Variants in ZNF354A observed in about 807,000 individuals in gnomAD.
ZNF354A encodes epididymis luminal protein 104.
ZNF354A carries 25 observed loss-of-function variants against 53.3 expected under a neutral mutation model. That is an observed-to-expected ratio of 0.47 (90% confidence interval 0.34 to 0.66). ZNF354A has a LOEUF of 0.66. ZNF354A is among the 30% of genes least tolerant of loss of function. ZNF354A has a pLI of 0.01. For synonymous variants in ZNF354A, 228 were observed against 249.0 expected, an observed-to-expected ratio of 0.92 and a Z score of 0.79; for missense variants, 586 against 716.8, an observed-to-expected ratio of 0.82 and a Z score of 2.08.
At chr5:178,721,395 C>G (rs1442502990) in intron 4 of ZNF354A, among the ~76,000 whole-genome samples, 1 of 152,104 alleles carries the variant, frequency 6.6e-6, no homozygotes, top group South Asian at 2.1e-4. Context: ...AGAAAAGGGA[C>G]AGGAAAAATG....
At chr5:178,716,025 T>C (rs1358131731) in intron 4 of ZNF354A, among the ~76,000 whole-genome samples, 1 of 151,676 alleles carries the variant, frequency 6.6e-6, no homozygotes, top group Non-Finnish European at 1.5e-5. Context: ...GCCTCCTAAG[T>C]AGCTGGGATT....
rs76563149 is a variant in ZNF354A at position 178,730,572 on chromosome 5, G to C, written c.-68C>G. 6.6e-6 allele frequency: 1 copy of C among 151,684 alleles called. No homozygotes were observed. The highest frequency in any genetic ancestry group is 1.5e-5 in the Non-Finnish European group (1 of 67,854). The allele number at this position is 151,684 out of a possible 1,614,324, so 9.4% of individuals were successfully genotyped here. On this transcript the variant is annotated 5_prime_UTR_variant, in exon 1 of 5. Transcript: ENST00000335815. ...GACGCTCACCTCCCTAAGCTCGAGC[G>C]TCCCGGGCCGCGCCTCCCCAGCCGC...
intron 3 of ZNF354A, among the ~76,000 whole-genome samples, chr5:178,725,696 T>C (rs1448205002): frequency 6.6e-6 from 1 of 152,192 alleles, no homozygotes; most frequent in Non-Finnish European, 1.5e-5. Flanking sequence ...TAGGAAAATA[T>C]GATCAACATG....
At position 178,711,782 on chromosome 5, in the gene ZNF354A, T is replaced by C. The variant is rs965491731; in HGVS notation, c.*278A>G. On this transcript the variant is annotated 3_prime_UTR_variant, in exon 5 of 5. Transcript: ENST00000335815. ...ACGTGACATCTAGCATATACGTCTGTAGGAAAAGGGAAAAAGCAAACCCAT... is the reference window on the plus strand; with the variant it reads ...ACGTGACATCTAGCATATACGTCTGCAGGAAAAGGGAAAAAGCAAACCCAT... 9 of 301,472 alleles carry C rather than the reference T, an allele frequency of 3.0e-5. No homozygotes were observed. The highest frequency in any genetic ancestry group is 1.3e-4 in the African/African-American group (6 of 46,234). 18.7% of individuals were successfully genotyped at this position (301,472 alleles called of 1,614,324 possible). A position where few individuals can be genotyped will look rare whatever the true frequency, so the allele number is the denominator to read the frequency against.
In ZNF354A at chr5:178,727,033, C is replaced by T; in HGVS notation, c.126G>A (p.Val42=). The T allele has an allele frequency of 2.5e-6, 4 of 1,613,982 alleles. No individual in the cohort carries two copies. The highest frequency in any genetic ancestry group is 3.4e-6 in the Non-Finnish European group (4 of 1,179,944). Residue 42 remains valine (V), a synonymous_variant, in exon 3 of 5, where the codon GTG becomes GTA. Coordinates refer to ENST00000335815, the MANE Select transcript of ZNF354A (RefSeq NM_005649.3). The part of the protein sequence containing the change: ...APSQRNLYRD[V]MLENYRNLVS... ...CCAGGTTCCTATAGTTCTCCAGCAT[C>T]ACATCCCGGTACAAGTTTCTCTGAG...
intron 4 of ZNF354A, among the ~76,000 whole-genome samples, chr5:178,723,290 C>T (rs1765846458): frequency 6.6e-6 from 1 of 152,188 alleles, no homozygotes; most frequent in South Asian, 2.1e-4. Context: ...ATCACTGAGC[C>T]CTCTGGACCT....
chr5:178,727,272 G>A, intron 2 of ZNF354A, 147 bp from the exon 3 acceptor site: 1 of 1,021,266 alleles, frequency 9.8e-7, no homozygotes, highest in Non-Finnish European at 1.3e-6. Flanking sequence ...TGAATAATTG[G>A]CCAGTAACAA....
rs118124070 is a variant in ZNF354A at position 178,716,791 on chromosome 5, G to A, written c.257-3170C>T. ...ATGGTGAAATGATAAAATAAGCCTG[G>A]AACGGGGCCGGGCGTGGTGGCTCAC... On this transcript the variant is annotated intron_variant, in intron 4 of 4. Transcript: ENST00000335815. Among the ~76,000 whole-genome samples, 107 of 152,114 alleles carry A rather than the reference G, an allele frequency of 7.0e-4. 3 individuals are homozygous for A. In the East Asian group the frequency reaches 0.019, roughly 28 times the overall value.
In ZNF354A at chr5:178,712,835, T is replaced by A. The variant is rs372190107; in HGVS notation, c.1043A>T (p.His348Leu). The part of the protein sequence containing the change: ...STSLSGCQRI[H>L]SRKKSYLCNE... ...ACATAAGTAGGACTTCTTTCTAGAA[T>A]GAATTCTTTGACATCCAGAAAGGGA... Residue 348 changes from histidine to leucine, a missense_variant, in exon 5 of 5, where the codon CAT becomes CTT. His to Leu is a moderately conservative substitution (Grantham distance 99). Around this residue, in one of 2 missense-constraint regions of ZNF354A, gnomAD observed 573 missense variants for 680.1 expected, o/e 0.84. Coordinates refer to ENST00000335815, the MANE Select transcript of ZNF354A (RefSeq NM_005649.3). 4.3e-5 allele frequency: 70 copies of A among 1,614,074 alleles called. No homozygotes were observed. Among genetic ancestry groups the A allele is most frequent in the Non-Finnish European group, 5.8e-5 (68 of 1,180,050 alleles).
chr5:178,719,729 C>T (rs1291158488), intron 4 of ZNF354A, among the ~76,000 whole-genome samples: 3 of 152,188 alleles, frequency 2.0e-5, no homozygotes, highest in Non-Finnish European at 2.9e-5. Context: ...GGGCGGATCA[C>T]GAGGTCAGGA....
intron 4 of ZNF354A, among the ~76,000 whole-genome samples, chr5:178,716,991 T>C (rs1240180319): frequency 6.7e-6 from 1 of 149,802 alleles, no homozygotes; most frequent in Non-Finnish European, 1.5e-5. Flanking sequence ...AGGCAGAGAA[T>C]TGCTTGAACC....
chr5:178,713,099 T>C lies in ZNF354A; in HGVS notation c.779A>G (p.His260Arg). The change falls in exon 5 of 5, where the codon CAT (histidine) becomes CGT (arginine). Residue 260 changes from histidine (H) to arginine (R), a missense_variant. Transcript: ENST00000335815. ...AFSQSSALIQ[H>R]QITHTGEKPY... is the part of the protein sequence containing the mutation. The stretch of plus-strand genomic sequence containing the variant: ...TTTCTCTCCAGTATGCGTTATTTGA[T>C]GTTGAATAAGAGCTGAACTTTGGCT... The C allele has an allele frequency of 6.2e-7, 1 of 1,613,974 alleles. No homozygotes were observed. Among genetic ancestry groups the C allele is most frequent in the Non-Finnish European group, 8.5e-7 (1 of 1,179,868 alleles).
intron 4 of ZNF354A, 73 bp from the exon 5 acceptor site, chr5:178,713,694 G>GA (rs1240135960): frequency 8.8e-6 from 13 of 1,469,184 alleles, no homozygotes; most frequent in Admixed American, 5.0e-5. Flanking sequence ...TAAAAGTGTA[G>GA]AAGGAATAAA....
At chr5:178,727,355 G>C (rs549096701) in intron 2 of ZNF354A, among the ~76,000 whole-genome samples, 1 of 152,146 alleles carries the variant, frequency 6.6e-6, no homozygotes, top group African/African-American at 2.4e-5. Context: ...GAGGAATTAC[G>C]GCCATTAGTG....
chr5:178,725,390 C>T lies in ZNF354A; in HGVS notation c.242G>A (p.Gly81Asp), dbSNP rs770115040. 2.7e-5 allele frequency: 43 copies of T among 1,613,746 alleles called. No individual in the cohort carries two copies. Among genetic ancestry groups the T allele is most frequent in the South Asian group, 3.3e-5 (3 of 91,072 alleles). The change falls in exon 4 of 5, where the codon GGC (glycine) becomes GAC (aspartate). Residue 81 changes from glycine (G) to aspartate (D), a missense_variant. Physicochemically the swap from Gly to Asp is moderately conservative, Grantham distance 94. Transcript: ENST00000335815. ...DPWEVEKDGS[G>D]VSSLGSKSSH... ...CACCCACTTACCTAGAGAGGAGACG[C>T]CAGAACCGTCTTTCTCCACCTCCCA...
chr5:178,728,460 C>T (rs900602459), intron 2 of ZNF354A, among the ~76,000 whole-genome samples: 1 of 151,902 alleles, frequency 6.6e-6, no homozygotes, highest in South Asian at 2.1e-4. Flanking sequence ...AACATGCATA[C>T]ACAAACACAC....
intron 4 of ZNF354A, 86 bp downstream of exon 4, chr5:178,725,290 G>A: frequency 1.5e-6 from 2 of 1,345,530 alleles, no homozygotes; most frequent in Admixed American, 3.4e-5. Context: ...GAATTCTCAA[G>A]GGAGTTTCCC....
intron 4 of ZNF354A, 75 bp from the exon 5 acceptor site, chr5:178,713,696 A>G: frequency 6.8e-7 from 1 of 1,467,420 alleles, no homozygotes; most frequent in Non-Finnish European, 9.0e-7. Flanking sequence ...AAAGTGTAGA[A>G]GGAATAAATA....
chr5:178,712,569 ACTT>A lies in ZNF354A; in HGVS notation c.1306_1308del (p.Lys436del). 6.2e-7 allele frequency: 1 copy of A among 1,614,102 alleles called. No homozygotes were observed. ...TTACCACATTCATTACAATTATAAA[ACTT>A]CTCTCCAGTATGAATGATTCGGTGT... is the stretch of plus-strand genomic sequence containing the variant. On this transcript the variant is annotated inframe_deletion, in exon 5 of 5. Coordinates refer to ENST00000335815, the MANE Select transcript of ZNF354A (RefSeq NM_005649.3).
Sources: allele counts gnomAD v4.1 joint callset (sites outside exome capture counted in the v4.1 genomes callset), GRCh38; gene constraint gnomAD v4.1.1; regional missense constraint gnomAD v4.1.1; transcripts MANE v1.5; gene names NCBI Gene and HGNC (gene_info 2026-07-23, HGNC 2026-07-21).